The following SEPTIN12 variants were observed in gnomAD, a reference collection of about 807,000 sequenced individuals.
SEPTIN12 encodes septin-12.
A neutral mutation model predicts 37.7 loss-of-function variants in SEPTIN12; 42 were observed. That is an observed-to-expected ratio of 1.11 (90% confidence interval 0.87 to 1.44). The LOEUF (loss-of-function observed/expected upper bound fraction) is 1.44, where lower values mean the gene tolerates loss of function less well. Among genes scored for constraint, SEPTIN12 ranks in the 40% most tolerant of loss-of-function variants. The pLI is 0.00. For missense variants in SEPTIN12, 613 were observed against 479.2 expected (o/e 1.28, Z -2.61); for synonymous variants, 254 against 196.7 (o/e 1.29, Z -2.44).
At chr16:4,785,426 G>C (rs557034007) in intron 4 of SEPTIN12, among the ~76,000 whole-genome samples, 3 of 151,710 alleles carry the variant, frequency 2.0e-5, no homozygotes, top group South Asian at 4.2e-4. Flanking sequence ...AAGGTTGAAG[G>C]GGGAGGGGCA....
chr16:4,777,649 G>C lies in SEPTIN12; in HGVS notation c.*148C>G, dbSNP rs1013118511. The C allele has an allele frequency of 1.5e-6, 1 of 646,456 alleles. No homozygotes were observed. The highest frequency in any genetic ancestry group is 2.8e-5 in the East Asian group (1 of 35,688). 40.0% of individuals were successfully genotyped at this position (646,456 alleles called of 1,614,324 possible). On this transcript the variant is annotated 3_prime_UTR_variant, in exon 10 of 10. Transcript: ENST00000268231. ...CCTTTTTATTTGTGGATAGCTCAAA[G>C]AAGTCATTTACAAAATGCCTTTTGT...
intron 5 of SEPTIN12, 28 bp from the exon 6 acceptor site, chr16:4,783,794 T>C: frequency 1.3e-6 from 2 of 1,597,894 alleles, no homozygotes; most frequent in Non-Finnish European, 1.7e-6. Flanking sequence ...GTGATGGGGG[T>C]GGCGGTGGTG....
At chr16:4,791,109 A>G (rs2082544295), upstream of SEPTIN12, among the ~76,000 whole-genome samples, 1 of 152,236 alleles carries the variant, frequency 6.6e-6, no homozygotes. Context: ...TGTGCAGAGA[A>G]AACACTTTCT....
intron 7 of SEPTIN12, among the ~76,000 whole-genome samples, chr16:4,783,129 C>G (rs924193093): frequency 9.2e-5 from 14 of 151,396 alleles, no homozygotes; most frequent in African/African-American, 3.2e-4. Context: ...GGCTGGTCTC[C>G]AACTCCTGAC....
intron 4 of SEPTIN12, among the ~76,000 whole-genome samples, chr16:4,784,879 G>T (rs990769091): frequency 1.6e-4 from 24 of 152,178 alleles, no homozygotes; most frequent in African/African-American, 5.8e-4. Context: ...GGAGGCTGAA[G>T]CAAGTGGATC....
At chr16:4,778,186 A>G (rs1474342132) in intron 8 of SEPTIN12, 49 bp from the exon 9 acceptor site, 1 of 1,578,708 alleles carries the variant, frequency 6.3e-7, no homozygotes, top group Non-Finnish European at 8.7e-7. Flanking sequence ...AGCACTGAGT[A>G]AGTGCCTACT....
At chr16:4,782,859 C>T (rs1258471834) in intron 7 of SEPTIN12, among the ~76,000 whole-genome samples, 1 of 151,714 alleles carries the variant, frequency 6.6e-6, no homozygotes, top group Non-Finnish European at 1.5e-5. Flanking sequence ...CCCACCTCGG[C>T]CTCCCAAAGT....
Position 4,787,637 on chromosome 16 carries a change from G to T in SEPTIN12, c.9C>A (p.Pro3=). 1 of 1,576,552 alleles carries T rather than the reference G, an allele frequency of 6.3e-7. No individual in the cohort carries two copies. The highest frequency in any genetic ancestry group is 8.6e-7 in the Non-Finnish European group (1 of 1,161,566). MD[P]LRRSPSPCLS... is the part of the protein sequence containing the mutation. The stretch of plus-strand genomic sequence containing the variant: ...GGCAGGGAGAGGGGGAGCGCCTCAG[G>T]GGGTCCATGGGGGCCAAGGGTTCGA... Residue 3 remains proline (P), a synonymous_variant, in exon 2 of 10, where the codon CCC becomes CCA. Coordinates refer to ENST00000268231, the MANE Select transcript of SEPTIN12 (RefSeq NM_144605.5).
chr16:4,783,382 A>C, intron 7 of SEPTIN12, 80 bp downstream of exon 7: 2 of 1,051,364 alleles, frequency 1.9e-6, no homozygotes, highest in Non-Finnish European at 3.0e-6. Flanking sequence ...CCTGAGATGT[A>C]GAGAAAGATG....
chr16:4,783,391 T>C (rs746080925), intron 7 of SEPTIN12, 71 bp downstream of exon 7: 1 of 1,117,510 alleles, frequency 8.9e-7, no homozygotes, highest in South Asian at 1.2e-5. Flanking sequence ...TAGAGAAAGA[T>C]GAGTCTTTGG....
chr16:4,784,919 G>A (rs1484517993), intron 4 of SEPTIN12, among the ~76,000 whole-genome samples: 1 of 152,046 alleles, frequency 6.6e-6, no homozygotes, highest in Non-Finnish European at 1.5e-5. Flanking sequence ...AGACCAGCCT[G>A]GCCAACATGG....
chr16:4,777,619 C>G lies in SEPTIN12; in HGVS notation c.*178G>C. 1.7e-6 allele frequency: 1 copy of G among 585,762 alleles called. No individual in the cohort carries two copies. The allele number at this position is 585,762 out of a possible 1,614,324, so 36.3% of individuals were successfully genotyped here. A position where few individuals can be genotyped will look rare whatever the true frequency, so the allele number is the denominator to read the frequency against. The stretch of plus-strand genomic sequence containing the variant: ...CTCCAGCCTGGGTAACAGAGTGACA[C>G]CCAGCCTTTTTATTTGTGGATAGCT... On this transcript the variant is annotated 3_prime_UTR_variant, in exon 10 of 10. Coordinates refer to ENST00000268231, the MANE Select transcript of SEPTIN12 (RefSeq NM_144605.5).
Position 4,783,474 on chromosome 16 carries a change from G to A in SEPTIN12, c.714C>T (p.Asn238=), listed in dbSNP as rs1011140426. Residue 238 remains asparagine (N), a synonymous_variant, in exon 7 of 10, where the codon AAC becomes AAT. Transcript: ENST00000268231. ...FDEDINDKIL[N]SKLRDRIPFA... is the part of the protein sequence containing the mutation. ...CACAGCCTCTCACCCGTAACTTGCT[G>A]TTGAGGATTTTGTCATTGATGTCCT... The A allele has an allele frequency of 3.7e-6, 6 of 1,613,802 alleles. No homozygotes were observed. In the African/African-American group the frequency reaches 4.0e-5, roughly 11 times the overall value.
intron 9 of SEPTIN12, 26 bp from the exon 10 acceptor site, chr16:4,778,024 C>CGATG: frequency 6.2e-7 from 1 of 1,612,398 alleles, no homozygotes; most frequent in Non-Finnish European, 8.5e-7. Flanking sequence ...CGGTCAGCCC[C>CGATG]GATGGTGGTG....
chr16:4,779,334 G>A (rs2082347430), intron 8 of SEPTIN12, among the ~76,000 whole-genome samples: 1 of 152,044 alleles, frequency 6.6e-6, no homozygotes, highest in African/African-American at 2.4e-5. Flanking sequence ...CCTTTACCGT[G>A]CACTGCAGTA....
upstream of SEPTIN12, among the ~76,000 whole-genome samples, chr16:4,789,251 A>T (rs1300804491): frequency 6.6e-6 from 1 of 152,000 alleles, no homozygotes; most frequent in African/African-American, 2.4e-5. Flanking sequence ...ACCTCAAGTG[A>T]TCCACCAACC....
At chr16:4,787,703 G>A (rs562096516) in intron 1 of SEPTIN12, 36 bp from the exon 2 acceptor site, 47 of 870,552 alleles carry the variant, frequency 5.4e-5, no homozygotes, top group Non-Finnish European at 8.2e-5. Flanking sequence ...GGGGTCACTG[G>A]GGCTCAGAGG....
chr16:4,780,911 G>A (rs2082365061), intron 7 of SEPTIN12, among the ~76,000 whole-genome samples: 1 of 152,144 alleles, frequency 6.6e-6, no homozygotes, highest in Admixed American at 6.5e-5. Flanking sequence ...CCAGGAGGTT[G>A]GAGGTTGCTG....
At chr16:4,789,450 C>A (rs1392270693), upstream of SEPTIN12, among the ~76,000 whole-genome samples, 1 of 152,052 alleles carries the variant, frequency 6.6e-6, no homozygotes, top group South Asian at 2.1e-4. Context: ...CTCAGCCTCC[C>A]GAGTAGCTGG....
Sources: gnomAD v4.1 joint callset for allele counts (sites outside exome capture counted in the v4.1 genomes callset) on GRCh38, gnomAD v4.1.1 for gene constraint, MANE v1.5 for transcripts, NCBI Gene and HGNC (gene_info 2026-07-23, HGNC 2026-07-21) for gene names.